Variants in EIF5A observed in about 807,000 individuals in gnomAD.
EIF5A encodes eukaryotic translation initiation factor 5A.
Under a neutral mutation model 16.6 loss-of-function variants are expected in EIF5A, and 1 was observed. The observed-to-expected ratio is 0.06, with a 90% CI of 0.02 to 0.28. EIF5A has a LOEUF of 0.28. EIF5A is among the 10% of genes least tolerant of loss of function. EIF5A has a pLI of 1.00. For missense variants in EIF5A, 29 were observed against 196.1 expected, an observed-to-expected ratio of 0.15 and a Z score of 5.09; for synonymous variants, 80 against 73.6, an observed-to-expected ratio of 1.09 and a Z score of -0.44.
At chr17:7,309,865 C>T in intron 2 of EIF5A, 65 bp downstream of exon 2, 2 of 1,614,122 alleles carry the variant, frequency 1.2e-6, no homozygotes, top group Non-Finnish European at 8.5e-7. Context: ...CTCCCAGCAG[C>T]AAGCTGCCAA....
chr17:7,308,192 C>A (rs530095881), intron 1 of EIF5A: 219 of 995,570 alleles, frequency 2.2e-4, no homozygotes, highest in Non-Finnish European at 2.6e-4. Flanking sequence ...GGCGGCGTGG[C>A]TCCGGCCTGG....
Position 7,311,827 on chromosome 17 carries a change from C to T in EIF5A, c.*17C>T, listed in dbSNP as rs949094188. ...AATTTCTCTCTCCTACCTAGGGTGG[C>T]GGTGGTGGCAGCAGTGATCCTCTGA... On this transcript the variant is annotated 3_prime_UTR_variant, in exon 6 of 6. Transcript: ENST00000336458. The T allele has an allele frequency of 5.6e-6, 5 of 890,074 alleles. No homozygotes were observed. The highest frequency in any genetic ancestry group is 1.7e-5 in the South Asian group (1 of 58,744). 55.1% of individuals were successfully genotyped at this position (890,074 alleles called of 1,614,324 possible). A position where few individuals can be genotyped will look rare whatever the true frequency, so the allele number is the denominator to read the frequency against.
chr17:7,307,678 C>G lies in EIF5A; in HGVS notation c.-96C>G, dbSNP rs893760525. 3.0e-5 allele frequency: 31 copies of G among 1,049,424 alleles called. No individual in the cohort carries two copies. The highest frequency in any genetic ancestry group is 4.7e-4 in the Middle Eastern group (1 of 2,142). 65.0% of individuals were successfully genotyped at this position (1,049,424 alleles called of 1,614,324 possible). ...GCGGCGGCGGTAGAGGCGGCGGCGG[C>G]GGCGGCAGCGGGCTCGGAGGCAGCG... On this transcript the variant is annotated 5_prime_UTR_variant, in exon 1 of 6. Transcript: ENST00000336458.
At chr17:7,310,673 C>CT in intron 2 of EIF5A, 1 of 985,380 alleles carries the variant, frequency 1.0e-6, no homozygotes, top group Non-Finnish European at 1.2e-6. Context: ...TTCTCAGCTC[C>CT]TTCTCCTGGT....
At chr17:7,311,707 C>T in intron 5 of EIF5A, 56 bp downstream of exon 5, 1 of 1,603,228 alleles carries the variant, frequency 6.2e-7, no homozygotes. Flanking sequence ...CTCAGCAGAG[C>T]TGCTGTAGTC....
intron 2 of EIF5A, 107 bp from the exon 3 acceptor site, chr17:7,310,911 C>T: frequency 6.8e-7 from 1 of 1,461,926 alleles, no homozygotes; most frequent in Non-Finnish European, 9.1e-7. Context: ...CAGTCTTTGC[C>T]CCAACAATGT....
Position 7,309,621 on chromosome 17 carries a change from T to A in EIF5A, c.-15T>A. 6.2e-7 allele frequency: 1 copy of A among 1,614,190 alleles called. No homozygotes were observed. Among genetic ancestry groups the A allele is most frequent in the East Asian group, 2.2e-5 (1 of 44,884 alleles). Reference sequence around the variant, plus strand: ...GTTCTCTTCTTGGCTCTAGTTGGAATCGAAGCCTCTTAAAATGGCAGATGA... The same window carrying A: ...GTTCTCTTCTTGGCTCTAGTTGGAAACGAAGCCTCTTAAAATGGCAGATGA... On this transcript the variant is annotated 5_prime_UTR_variant, in exon 2 of 6. Coordinates refer to ENST00000336458, the MANE Select transcript of EIF5A (RefSeq NM_001970.5).
In EIF5A at chr17:7,307,703, G is replaced by T; in HGVS notation, c.-71G>T. The T allele has an allele frequency of 1.9e-6, 2 of 1,047,666 alleles. No individual in the cohort carries two copies. The highest frequency in any genetic ancestry group is 2.3e-6 in the Non-Finnish European group (2 of 870,822). 64.9% of individuals were successfully genotyped at this position (1,047,666 alleles called of 1,614,324 possible). On this transcript the variant is annotated 5_prime_UTR_variant, in exon 1 of 6. Transcript: ENST00000336458. ...CGGCGGCAGCGGGCTCGGAGGCAGC[G>T]GTTGGGCTCGCGGCGAGCGGACGGG...
intron 1 of EIF5A, chr17:7,308,576 G>GT: frequency 7.4e-7 from 1 of 1,350,314 alleles, no homozygotes; most frequent in Non-Finnish European, 9.8e-7. Context: ...TCAGCCAGGT[G>GT]TAAGTGGCAC....
upstream of EIF5A, chr17:7,307,342 G>T: frequency 2.4e-6 from 3 of 1,235,090 alleles, no homozygotes; most frequent in Non-Finnish European, 2.1e-6. Context: ...CAGGCGCAAG[G>T]ACTGCCCGGT....
intron 3 of EIF5A, 81 bp downstream of exon 3, chr17:7,311,203 GC>G: frequency 6.3e-7 from 1 of 1,581,584 alleles, no homozygotes; most frequent in South Asian, 1.1e-5. Flanking sequence ...GACCAGGAGA[GC>G]TTGTGCTGGG....
chr17:7,310,765 C>T (rs756191921), intron 2 of EIF5A: 301 of 985,308 alleles, frequency 3.1e-4, no homozygotes, highest in Non-Finnish European at 3.5e-4. Context: ...ATCAAGGTAA[C>T]TGTCTTCTCC....
intron 1 of EIF5A, chr17:7,308,582 G>T (rs544409298): frequency 2.2e-6 from 3 of 1,349,768 alleles, no homozygotes; most frequent in Middle Eastern, 4.2e-4. Context: ...AGGTGTAAGT[G>T]GCACCCCTTC....
rs1015244034 is a variant in EIF5A, at chr17:7,312,398, C to T, written c.*588C>T. The stretch of plus-strand genomic sequence containing the variant: ...TGGGCTTTACCCTTCCCTGCGGGCT[C>T]TCTCCCCGACACATTTGTTAAAATC... On this transcript the variant is annotated 3_prime_UTR_variant, in exon 6 of 6. Transcript: ENST00000336458. 1 of 235,264 alleles carries T rather than the reference C, an allele frequency of 4.3e-6. No homozygotes were observed. Among genetic ancestry groups the T allele is most frequent in the African/African-American group, 2.3e-5 (1 of 42,922 alleles). The allele number at this position is 235,264 out of a possible 1,614,324, so 14.6% of individuals were successfully genotyped here.
chr17:7,311,137 T>C lies in EIF5A; in HGVS notation c.270+15T>C, dbSNP rs758194589. 1.2e-6 allele frequency: 2 copies of C among 1,612,774 alleles called. No individual in the cohort carries two copies. The highest frequency in any genetic ancestry group is 3.3e-5 in the Admixed American group (2 of 59,902). On this transcript the variant is annotated intron_variant, in intron 3 of 5. Transcript: ENST00000336458. ...ATGACTTCCAGGTATGTAGATGGTC[T>C]GGATGAGGATGGGTTAGCGGTTTAT...
chr17:7,310,962 T>C, intron 2 of EIF5A, 56 bp from the exon 3 acceptor site: 1 of 1,559,442 alleles, frequency 6.4e-7, no homozygotes, highest in South Asian at 1.2e-5. Flanking sequence ...ATTTGAGCCT[T>C]TATTTCCTCC....
Position 7,311,436 on chromosome 17 carries a change from T to C in EIF5A, c.357T>C (p.Leu119=), listed in dbSNP as rs1331301123. 6.2e-7 allele frequency: 1 copy of C among 1,614,120 alleles called. No individual in the cohort carries two copies. The highest frequency in any genetic ancestry group is 8.5e-7 in the Non-Finnish European group (1 of 1,180,014). The change falls in exon 4 of 6, where the codon CTT becomes CTC. Residue 119 remains leucine (L), a synonymous_variant. Coordinates refer to ENST00000336458, the MANE Select transcript of EIF5A (RefSeq NM_001970.5). ...REDLRLPEGD[L]GKEIEQKYDC... The stretch of plus-strand genomic sequence containing the variant: ...ACCTTCGTCTCCCTGAGGGAGACCT[T>C]GGCAAGGAGATTGAGCAGAAGTACG...
chr17:7,309,885 C>T, intron 2 of EIF5A, 85 bp downstream of exon 2: 1 of 1,613,444 alleles, frequency 6.2e-7, no homozygotes, highest in Non-Finnish European at 8.5e-7. Context: ...ACAGTGCTGA[C>T]TTTCCTTTAA....
At chr17:7,307,222 T>G, upstream of EIF5A, 1 of 1,326,936 alleles carries the variant, frequency 7.5e-7, no homozygotes, top group South Asian at 1.5e-5. Flanking sequence ...ACGCCTGGCG[T>G]ACTGACGGCG....
Sources: allele counts gnomAD v4.1 joint callset, GRCh38; gene constraint gnomAD v4.1.1; transcripts MANE v1.5; gene names NCBI Gene and HGNC (gene_info 2026-07-23, HGNC 2026-07-21).